The following PDE4D variants were observed in gnomAD, a reference collection of about 807,000 sequenced individuals.
The protein encoded by PDE4D is phosphodiesterase 4D.
In PDE4D, 24 loss-of-function variants were observed where a neutral mutation model predicts 87.4. That is an observed-to-expected ratio of 0.27 (90% CI 0.20 to 0.39). PDE4D has a LOEUF of 0.39. Among genes scored for constraint, PDE4D ranks in the 10% least tolerant of loss-of-function variants. PDE4D has a pLI of 1.00. For missense variants in PDE4D, 714 were observed against 1,041.0 expected, an observed-to-expected ratio of 0.69 and a Z score of 4.32; for synonymous variants, 384 against 383.2, an observed-to-expected ratio of 1.00 and a Z score of -0.02.
chr5:59,376,775 C>T (rs1215498920), intron 1 of PDE4D, among the ~76,000 whole-genome samples: 6 of 152,180 alleles, frequency 3.9e-5, no homozygotes, highest in Non-Finnish European at 7.3e-5. Context: ...TGCCACCCAA[C>T]TTCAAACTAT....
chr5:59,477,353 T>TAAAA (rs35047246), intron 1 of PDE4D, among the ~76,000 whole-genome samples: 3 of 88,266 alleles, frequency 3.4e-5, no homozygotes, highest in Non-Finnish European at 6.9e-5. Context: ...TAGAGTATAA[T>TAAAA]AAAAAAAAAA....
chr5:59,133,393 C>T (rs1394682613), intron 5 of PDE4D, among the ~76,000 whole-genome samples: 1 of 152,200 alleles, frequency 6.6e-6, no homozygotes, highest in East Asian at 1.9e-4. Flanking sequence ...AAATTGGAGT[C>T]CATAGAGTCG....
intron 1 of PDE4D, among the ~76,000 whole-genome samples, chr5:59,224,629 G>A (rs894523691): frequency 1.3e-5 from 2 of 152,142 alleles, no homozygotes; most frequent in Non-Finnish European, 2.9e-5. Flanking sequence ...TTCATATGTT[G>A]AAGCCTTAAT....
chr5:60,307,269 T>G (rs1298431533), intron 1 of PDE4D, among the ~76,000 whole-genome samples: 1 of 152,044 alleles, frequency 6.6e-6, no homozygotes, highest in Non-Finnish European at 1.5e-5. Context: ...ACAATGGGAG[T>G]TATGTCATTC....
intron 1 of PDE4D, among the ~76,000 whole-genome samples, chr5:60,518,767 G>A (rs1750913889): frequency 1.3e-5 from 2 of 152,038 alleles, no homozygotes; most frequent in African/African-American, 4.8e-5. Flanking sequence ...AAGTTGCTAG[G>A]GGCTCATCAG....
At chr5:59,995,229 T>C (rs886371052) in intron 2 of PDE4D, among the ~76,000 whole-genome samples, 1 of 152,156 alleles carries the variant, frequency 6.6e-6, no homozygotes, top group African/African-American at 2.4e-5. Flanking sequence ...TTTAGTCTCA[T>C]TGCTGGCTCC....
At chr5:60,179,519 T>C (rs1287302404) in intron 2 of PDE4D, among the ~76,000 whole-genome samples, 1 of 152,144 alleles carries the variant, frequency 6.6e-6, no homozygotes, top group South Asian at 2.1e-4. Flanking sequence ...GTGATTTCAA[T>C]GCTGTTTTTC....
intron 2 of PDE4D, among the ~76,000 whole-genome samples, chr5:60,089,219 C>T (rs1262851130): frequency 6.6e-6 from 1 of 151,926 alleles, no homozygotes; most frequent in Non-Finnish European, 1.5e-5. Context: ...GAACATTTTA[C>T]CCCATAGCTG....
chr5:59,497,798 C>A (rs796111924), intron 1 of PDE4D, among the ~76,000 whole-genome samples: 6 of 152,200 alleles, frequency 3.9e-5, no homozygotes, highest in African/African-American at 1.4e-4. Context: ...GAGAAGTCAA[C>A]ATGCACATAC....
At chr5:60,265,137 C>A (rs1562270971) in intron 1 of PDE4D, among the ~76,000 whole-genome samples, 2 of 152,120 alleles carry the variant, frequency 1.3e-5, no homozygotes, top group Non-Finnish European at 2.9e-5. Flanking sequence ...ATGGGGATGG[C>A]CAACCACATG....
intron 2 of PDE4D, among the ~76,000 whole-genome samples, chr5:60,071,622 C>T (rs1772727982): frequency 6.6e-6 from 1 of 152,070 alleles, no homozygotes; most frequent in Non-Finnish European, 1.5e-5. Flanking sequence ...TTCAGAGATA[C>T]ATGTGCAAGT....
At chr5:60,017,541 T>C (rs1765644551) in intron 2 of PDE4D, among the ~76,000 whole-genome samples, 1 of 152,162 alleles carries the variant, frequency 6.6e-6, no homozygotes, top group Non-Finnish European at 1.5e-5. Flanking sequence ...AGTGAGAACA[T>C]GTGGTGTTTC....
intron 6 of PDE4D, among the ~76,000 whole-genome samples, chr5:59,019,399 T>A (rs907714546): frequency 1.3e-5 from 2 of 152,190 alleles, no homozygotes; most frequent in East Asian, 3.8e-4. Context: ...ATTTTCCTTA[T>A]AGTCAAATGT....
At chr5:60,283,903 C>G (rs1323119507) in intron 1 of PDE4D, among the ~76,000 whole-genome samples, 1 of 151,652 alleles carries the variant, frequency 6.6e-6, no homozygotes, top group Non-Finnish European at 1.5e-5. Flanking sequence ...GAGTCAAGCT[C>G]ACTACTGGGA....
chr5:59,325,532 T>A (rs573865234), intron 1 of PDE4D, among the ~76,000 whole-genome samples: 116 of 152,272 alleles, frequency 7.6e-4, no homozygotes, highest in African/African-American at 2.7e-3. Context: ...ACTCTCAATA[T>A]TCATAAGGAA....
chr5:59,485,602 T>C (rs1209957945), intron 1 of PDE4D, among the ~76,000 whole-genome samples: 2 of 151,620 alleles, frequency 1.3e-5, no homozygotes, highest in Admixed American at 6.6e-5. Flanking sequence ...AATATAAATA[T>C]ATATAAACAT....
chr5:59,876,088 G>T (rs1448736939), intron 1 of PDE4D, among the ~76,000 whole-genome samples: 1 of 152,088 alleles, frequency 6.6e-6, no homozygotes, highest in Non-Finnish European at 1.5e-5. Flanking sequence ...TAACAAACCT[G>T]CATATCCTGC....
At chr5:60,115,496 C>T (rs1209459969) in intron 2 of PDE4D, among the ~76,000 whole-genome samples, 1 of 152,064 alleles carries the variant, frequency 6.6e-6, no homozygotes, top group Non-Finnish European at 1.5e-5. Context: ...ATTTTGAGCA[C>T]CTACTATGTA....
intron 2 of PDE4D, among the ~76,000 whole-genome samples, chr5:59,989,115 T>TATATATATATATAC (rs1457167328): frequency 8.1e-5 from 6 of 73,980 alleles, no homozygotes; most frequent in African/African-American, 2.0e-4. Context: ...TATATATATA[T>TATATATATATATAC]ACACACACAC....
Sources: gnomAD v4.1 joint callset for allele counts (sites outside exome capture counted in the v4.1 genomes callset) on GRCh38, gnomAD v4.1.1 for gene constraint, MANE v1.5 for transcripts, NCBI Gene and HGNC (gene_info 2026-07-23, HGNC 2026-07-21) for gene names.